Variants in HDHD2 observed in about 807,000 individuals in gnomAD.
The protein encoded by HDHD2 is haloacid dehalogenase-like hydrolase domain-containing protein 2.
A neutral mutation model predicts 24.8 loss-of-function variants in HDHD2; 26 were observed. That is an observed-to-expected ratio of 1.05 (90% confidence interval 0.77 to 1.45). The LOEUF (loss-of-function observed/expected upper bound fraction) is 1.45. Ranked by LOEUF, HDHD2 falls within the 40% of genes most tolerant of loss-of-function variation. The pLI is 0.00. For missense variants in HDHD2, 299 were observed against 313.4 expected, an observed-to-expected ratio of 0.95 and a Z score of 0.35; for synonymous variants, 128 against 114.9, an observed-to-expected ratio of 1.11 and a Z score of -0.73.
At chr18:47,116,911 G>A (rs1377497510) in intron 4 of HDHD2, among the ~76,000 whole-genome samples, 2 of 152,194 alleles carry the variant, frequency 1.3e-5, no homozygotes, top group African/African-American at 4.8e-5. Context: ...CTTGATTGAT[G>A]TGTGTACTTA....
At position 47,130,305 on chromosome 18, in the gene HDHD2, C is replaced by G; in HGVS notation, c.334G>C (p.Ala112Pro). 1.2e-6 allele frequency: 2 copies of G among 1,600,910 alleles called. No homozygotes were observed. Among genetic ancestry groups the G allele is most frequent in the South Asian group, 1.1e-5 (1 of 88,876 alleles). Residue 112 changes from alanine (A) to proline (P), a missense_variant, in exon 4 of 7, where the codon GCT becomes CCT. Transcript: ENST00000300605. ...TCTGGTGCCAATCCCATGACCACAG[C>G]ATTAGGATCACTTGTTTGTATTCCT... Reference protein sequence around the residue: ...FKGIQTSDPNAVVMGLAPEHF... With the variant: ...FKGIQTSDPNPVVMGLAPEHF...
At chr18:47,110,334 C>T (rs528782712) in intron 6 of HDHD2, 1 of 984,882 alleles carries the variant, frequency 1.0e-6, no homozygotes, top group Admixed American at 6.2e-5. Context: ...CTCGTTAGCA[C>T]CCTGAAGGCA....
intron 1 of HDHD2, among the ~76,000 whole-genome samples, chr18:47,138,837 T>C (rs1035230591): frequency 8.5e-5 from 13 of 152,320 alleles, no homozygotes; most frequent in Non-Finnish European, 1.6e-4. Flanking sequence ...TCTCATATCC[T>C]GGAGGAAGGA....
At chr18:47,149,558 A>G (rs1298634373) in intron 1 of HDHD2, among the ~76,000 whole-genome samples, 2 of 152,022 alleles carry the variant, frequency 1.3e-5, no homozygotes, top group South Asian at 2.1e-4. Flanking sequence ...CTAGCACCCA[A>G]GTTCCATGGT....
intron 6 of HDHD2, 85 bp from the exon 7 acceptor site, chr18:47,108,870 G>A (rs538967417): frequency 6.6e-6 from 5 of 752,276 alleles, no homozygotes; most frequent in Non-Finnish European, 1.2e-5. Context: ...GGTCATCACA[G>A]CACCACCCTT....
intron 1 of HDHD2, among the ~76,000 whole-genome samples, chr18:47,143,827 A>G (rs957963529): frequency 6.6e-6 from 1 of 152,224 alleles, no homozygotes; most frequent in African/African-American, 2.4e-5. Flanking sequence ...TATCCCAAAG[A>G]ACATGTACTA....
At chr18:47,148,147 C>T (rs1041062307) in intron 1 of HDHD2, among the ~76,000 whole-genome samples, 3 of 152,108 alleles carry the variant, frequency 2.0e-5, no homozygotes, top group Admixed American at 6.5e-5. Context: ...TGCACCACCA[C>T]GCCCACCTAA....
At chr18:47,121,597 C>A (rs1412625451) in intron 4 of HDHD2, among the ~76,000 whole-genome samples, 1 of 152,168 alleles carries the variant, frequency 6.6e-6, no homozygotes, top group Admixed American at 6.5e-5. Flanking sequence ...TTGAAAAGTG[C>A]AAATAGATGT....
intron 2 of HDHD2, among the ~76,000 whole-genome samples, chr18:47,135,306 G>A (rs1444565521): frequency 7.1e-6 from 1 of 140,128 alleles, no homozygotes; most frequent in Non-Finnish European, 1.5e-5. Context: ...TTGTTGCCCA[G>A]GCTGGAGTGC....
intron 3 of HDHD2, among the ~76,000 whole-genome samples, chr18:47,134,084 T>C (rs1039334180): frequency 1.3e-5 from 2 of 152,254 alleles, no homozygotes; most frequent in African/African-American, 2.4e-5. Flanking sequence ...TGCCTAGGTT[T>C]TCTTCTAGGG....
At chr18:47,137,380 T>C (rs1302911110) in intron 1 of HDHD2, 3 of 318,502 alleles carry the variant, frequency 9.4e-6, no homozygotes, top group Non-Finnish European at 1.8e-5. Context: ...AAATGGCGAT[T>C]TGATTCCACC....
chr18:47,139,931 C>T (rs1270378274), intron 1 of HDHD2, among the ~76,000 whole-genome samples: 4 of 152,148 alleles, frequency 2.6e-5, no homozygotes, highest in Non-Finnish European at 5.9e-5. Flanking sequence ...CATGTATCTA[C>T]CTCATCCCCA....
intron 6 of HDHD2, chr18:47,110,727 T>G: frequency 1.0e-6 from 1 of 985,398 alleles, no homozygotes; most frequent in Non-Finnish European, 1.2e-6. Context: ...AGCCTGTGCT[T>G]TCATGGATGG....
chr18:47,129,354 T>TA (rs2063690141), intron 4 of HDHD2, among the ~76,000 whole-genome samples: 1 of 152,106 alleles, frequency 6.6e-6, no homozygotes, highest in South Asian at 2.1e-4. Context: ...ATATCTTATA[T>TA]ACTAGTTCTA....
chr18:47,140,801 G>C (rs940457303), intron 1 of HDHD2, among the ~76,000 whole-genome samples: 4 of 151,886 alleles, frequency 2.6e-5, no homozygotes, highest in African/African-American at 4.8e-5. Flanking sequence ...ACAGGTGTGA[G>C]CCACTACACC....
At chr18:47,136,557 T>TTA in intron 1 of HDHD2, 108 bp from the exon 2 acceptor site, 1 of 787,354 alleles carries the variant, frequency 1.3e-6, no homozygotes, top group African/African-American at 1.8e-5. Context: ...TCCTGCTTAG[T>TTA]GTTAAGCTGC....
Position 47,134,493 on chromosome 18 carries a change from T to C in HDHD2, c.310+3A>G, listed in dbSNP as rs1422954018. The C allele has an allele frequency of 1.9e-6, 3 of 1,610,770 alleles. No individual in the cohort carries two copies. The highest frequency in any genetic ancestry group is 1.7e-6 in the Non-Finnish European group (2 of 1,177,420). ...ATCTTTAAATTTTCCAAATTTCCCC[T>C]ACCTTTGAAATCAGGTAGTGCCCGA... On this transcript the variant is annotated splice_donor_region_variant and intron_variant, in intron 3 of 6. Transcript: ENST00000300605.
chr18:47,136,286 G>A, intron 2 of HDHD2, 53 bp downstream of exon 2: 1 of 1,606,366 alleles, frequency 6.2e-7, no homozygotes, highest in Non-Finnish European at 8.5e-7. Context: ...ATCTGCCGTG[G>A]TAAAATGGCA....
intron 1 of HDHD2, among the ~76,000 whole-genome samples, chr18:47,142,575 A>T (rs2063829680): frequency 6.6e-6 from 1 of 152,192 alleles, no homozygotes; most frequent in African/African-American, 2.4e-5. Context: ...TAAAGAAAAA[A>T]CTTGTATATG....
Sources: allele counts gnomAD v4.1 joint callset (sites outside exome capture counted in the v4.1 genomes callset), GRCh38; gene constraint gnomAD v4.1.1; transcripts MANE v1.5; gene names NCBI Gene and HGNC (gene_info 2026-07-23, HGNC 2026-07-21).